The following SPAG16 variants were observed in gnomAD, a reference collection of about 807,000 sequenced individuals.
SPAG16 encodes sperm-associated antigen 16 protein.
In SPAG16, 86 loss-of-function variants were observed where a neutral mutation model predicts 80.4. That is an observed-to-expected ratio of 1.07 (90% CI 0.90 to 1.28). The LOEUF (loss-of-function observed/expected upper bound fraction) is 1.28, where lower values mean the gene tolerates loss of function less well. Among genes scored for constraint, SPAG16 ranks in the 50% most tolerant of loss-of-function variants. The pLI is 0.00. For missense variants in SPAG16, 870 were observed against 765.3 expected, an observed-to-expected ratio of 1.14 and a Z score of -1.61; for synonymous variants, 294 against 265.9, an observed-to-expected ratio of 1.11 and a Z score of -1.03.
intron 10 of SPAG16, among the ~76,000 whole-genome samples, chr2:213,749,384 A>T (rs1384275565): frequency 6.6e-6 from 1 of 152,188 alleles, no homozygotes; most frequent in Non-Finnish European, 1.5e-5. Context: ...TGATTTCATT[A>T]TCAGTTATCC....
At chr2:214,322,812 T>C (rs1296215170) in intron 15 of SPAG16, among the ~76,000 whole-genome samples, 2 of 152,248 alleles carry the variant, frequency 1.3e-5, no homozygotes, top group Non-Finnish European at 2.9e-5. Context: ...CCCCATAACC[T>C]TACAATCACG....
chr2:214,155,355 T>G (rs193240347), intron 15 of SPAG16, among the ~76,000 whole-genome samples: 18 of 152,338 alleles, frequency 1.2e-4, no homozygotes, highest in Admixed American at 5.2e-4. Flanking sequence ...CTACTGCCCA[T>G]GGGCCAGCTT....
chr2:213,689,381 C>G (rs1167963896), intron 10 of SPAG16, among the ~76,000 whole-genome samples: 1 of 152,002 alleles, frequency 6.6e-6, no homozygotes, highest in African/African-American at 2.4e-5. Context: ...GTTTGGATGC[C>G]AAACAATGTG....
At chr2:213,985,532 G>C (rs567197286) in intron 12 of SPAG16, among the ~76,000 whole-genome samples, 1 of 152,050 alleles carries the variant, frequency 6.6e-6, no homozygotes, top group Admixed American at 6.6e-5. Flanking sequence ...ATATTATTTT[G>C]CCAGTAGGCT....
At chr2:213,529,798 A>G (rs747046791) in intron 10 of SPAG16, among the ~76,000 whole-genome samples, 1 of 152,238 alleles carries the variant, frequency 6.6e-6, no homozygotes, top group African/African-American at 2.4e-5. Context: ...TGAATGGAGC[A>G]TGCAAACTGG....
chr2:214,400,947 AG>A (rs1351779347), intron 15 of SPAG16, among the ~76,000 whole-genome samples: 1 of 152,190 alleles, frequency 6.6e-6, no homozygotes, highest in Non-Finnish European at 1.5e-5. Context: ...TGCTCACAAA[AG>A]AAAAGTTAGG....
At chr2:214,125,198 G>C (rs1257175762) in intron 14 of SPAG16, among the ~76,000 whole-genome samples, 5 of 151,496 alleles carry the variant, frequency 3.3e-5, no homozygotes, top group African/African-American at 1.2e-4. Flanking sequence ...AGAATCTTAA[G>C]TATACACTCT....
chr2:213,861,122 A>G (rs2075438095), intron 10 of SPAG16, among the ~76,000 whole-genome samples: 1 of 152,216 alleles, frequency 6.6e-6, no homozygotes, highest in South Asian at 2.1e-4. Flanking sequence ...TTTGAGCAGC[A>G]AAATGCTGGA....
intron 11 of SPAG16, among the ~76,000 whole-genome samples, chr2:213,882,147 T>C (rs946425607): frequency 1.3e-5 from 2 of 152,212 alleles, no homozygotes; most frequent in African/African-American, 4.8e-5. Flanking sequence ...GATTTGCACA[T>C]GTTGAATCAG....
chr2:214,208,090 A>G (rs1437668244), intron 15 of SPAG16, among the ~76,000 whole-genome samples: 2 of 152,262 alleles, frequency 1.3e-5, no homozygotes, highest in Non-Finnish European at 2.9e-5. Context: ...ATGTGCACCA[A>G]TTCTCCTTAA....
intron 11 of SPAG16, among the ~76,000 whole-genome samples, chr2:213,893,884 T>A (rs2076888879): frequency 6.6e-6 from 1 of 152,082 alleles, no homozygotes; most frequent in Non-Finnish European, 1.5e-5. Context: ...GAAATGGCAG[T>A]AGTAAGTCCT....
chr2:214,371,416 C>A (rs1247646908), intron 15 of SPAG16, among the ~76,000 whole-genome samples: 1 of 151,020 alleles, frequency 6.6e-6, no homozygotes, highest in African/African-American at 2.4e-5. Context: ...CCTGTAATCC[C>A]AGCTACTCGG....
chr2:213,715,441 C>T (rs1418663530), intron 10 of SPAG16, among the ~76,000 whole-genome samples: 1 of 152,082 alleles, frequency 6.6e-6, no homozygotes, highest in Non-Finnish European at 1.5e-5. Flanking sequence ...CGCTTACCAC[C>T]ATGAACTGTA....
At chr2:213,674,819 A>G (rs1208903375) in intron 10 of SPAG16, among the ~76,000 whole-genome samples, 3 of 150,214 alleles carry the variant, frequency 2.0e-5, no homozygotes, top group Admixed American at 6.6e-5. Context: ...AGTCTTTGCT[A>G]TTGTGAATAG....
chr2:213,573,018 C>T (rs995433693), intron 10 of SPAG16, among the ~76,000 whole-genome samples: 2 of 152,136 alleles, frequency 1.3e-5, no homozygotes, highest in African/African-American at 2.4e-5. Context: ...CGTCCATCAC[C>T]CCTTTCTTTG....
chr2:213,826,973 ACTTT>A (rs2073342500), intron 10 of SPAG16, among the ~76,000 whole-genome samples: 1 of 151,572 alleles, frequency 6.6e-6, no homozygotes, highest in Admixed American at 6.6e-5. Context: ...TTATATGATG[ACTTT>A]CTTTGTCTTT....
At chr2:213,531,535 A>G (rs372678349) in intron 10 of SPAG16, among the ~76,000 whole-genome samples, 2 of 152,036 alleles carry the variant, frequency 1.3e-5, no homozygotes, top group Non-Finnish European at 2.9e-5. Context: ...AACTGCACCA[A>G]TCCTATCCTC....
chr2:213,333,308 T>G (rs143664362), intron 5 of SPAG16, among the ~76,000 whole-genome samples: 1,541 of 152,092 alleles, frequency 0.01, 15 homozygotes, highest in Non-Finnish European at 0.016. Flanking sequence ...AAATGAAATA[T>G]CTCTACAATG....
At chr2:214,012,252 A>G (rs1351065257) in intron 12 of SPAG16, among the ~76,000 whole-genome samples, 1 of 98,946 alleles carries the variant, frequency 1.0e-5, no homozygotes, top group East Asian at 2.7e-4. Context: ...ATATATTTTT[A>G]TACTTACATA....
Sources: allele counts gnomAD v4.1 joint callset (sites outside exome capture counted in the v4.1 genomes callset), GRCh38; gene constraint gnomAD v4.1.1; transcripts MANE v1.5; gene names NCBI Gene and HGNC (gene_info 2026-07-23, HGNC 2026-07-21).